POFUT3: variants seen among roughly 807,000 people sequenced by gnomAD.
POFUT3 encodes the protein protein O-fucosyltransferase 3, also known as GDP-fucose protein O-fucosyltransferase 3.
the POFUT3 span, among the ~76,000 whole-genome samples, chr8:33,401,711 T>C: frequency 6.6e-6 from 1 of 152,066 alleles, no homozygotes; most frequent in Non-Finnish European, 1.5e-5. Context: ...TTATTCCACT[T>C]TGTGGTGCAA....
At chr8:33,358,240 A>C in the POFUT3 span, among the ~76,000 whole-genome samples, 2 of 152,228 alleles carry the variant, frequency 1.3e-5, no homozygotes, top group African/African-American at 4.8e-5. Context: ...GCAACAGAGC[A>C]AAACCCTGTC....
the POFUT3 span, among the ~76,000 whole-genome samples, chr8:33,381,919 T>G: frequency 2.0e-5 from 3 of 152,338 alleles, no homozygotes; most frequent in Admixed American, 6.5e-5. Flanking sequence ...CCATGTCTTT[T>G]CTTGCTTACC....
the POFUT3 span, chr8:33,371,839 C>G: frequency 6.6e-6 from 1 of 152,210 alleles, no homozygotes; most frequent in African/African-American, 2.4e-5. Context: ...GGCTGTCCAG[C>G]CTGAATCATA....
the POFUT3 span, among the ~76,000 whole-genome samples, chr8:33,423,651 G>A: frequency 1.3e-5 from 2 of 151,968 alleles, no homozygotes; most frequent in Non-Finnish European, 2.9e-5. Context: ...TTGACAATCA[G>A]AGATTATATG....
the POFUT3 span, among the ~76,000 whole-genome samples, chr8:33,464,519 A>C: frequency 6.6e-6 from 1 of 152,194 alleles, no homozygotes; most frequent in African/African-American, 2.4e-5. Flanking sequence ...TAATACTATA[A>C]AATTCCTTGA....
the POFUT3 span, chr8:33,389,913 G>A: frequency 1.4e-6 from 1 of 731,204 alleles, no homozygotes; most frequent in Non-Finnish European, 2.2e-6. Context: ...AGAAGCATGT[G>A]GCCGGGCACG....
At chr8:33,317,394 C>A in the POFUT3 span, among the ~76,000 whole-genome samples, 5 of 151,906 alleles carry the variant, frequency 3.3e-5, no homozygotes, top group Non-Finnish European at 7.4e-5. Flanking sequence ...CAGACCTCAA[C>A]GTTCCTTTCT....
At chr8:33,389,520 A>C in the POFUT3 span, 1 of 1,614,138 alleles carries the variant, frequency 6.2e-7, no homozygotes, top group Non-Finnish European at 8.5e-7. Flanking sequence ...TCACAGTCTG[A>C]CTGTACATAC....
chr8:33,427,437 G>C, the POFUT3 span, among the ~76,000 whole-genome samples: 187 of 151,988 alleles, frequency 1.2e-3, no homozygotes, highest in Non-Finnish European at 9.9e-4. Context: ...AAATTAGCTG[G>C]GCATGGTGGT....
the POFUT3 span, among the ~76,000 whole-genome samples, chr8:33,335,346 T>C: frequency 6.6e-6 from 1 of 152,334 alleles, no homozygotes; most frequent in East Asian, 1.9e-4. Flanking sequence ...AATTCAATCA[T>C]GTTTTGACAA....
At chr8:33,311,232 T>C in the POFUT3 span, among the ~76,000 whole-genome samples, 1,153 of 152,338 alleles carry the variant, frequency 7.6e-3, 8 homozygotes, top group Non-Finnish European at 0.013. Context: ...CCTGGACAAA[T>C]TGTAATTTTT....
At chr8:33,368,032 C>T in the POFUT3 span, among the ~76,000 whole-genome samples, 1 of 152,092 alleles carries the variant, frequency 6.6e-6, no homozygotes, top group Non-Finnish European at 1.5e-5. Context: ...AAATTTTTGA[C>T]CTAATGCTCA....
the POFUT3 span, among the ~76,000 whole-genome samples, chr8:33,409,225 C>T: frequency 6.6e-6 from 1 of 152,170 alleles, no homozygotes; most frequent in Non-Finnish European, 1.5e-5. Flanking sequence ...GCCTCAGCCT[C>T]CCAAGTAGCT....
At chr8:33,442,000 A>G in the POFUT3 span, among the ~76,000 whole-genome samples, 5 of 152,118 alleles carry the variant, frequency 3.3e-5, no homozygotes, top group African/African-American at 1.2e-4. Context: ...CCCAGGCTGG[A>G]GTGCAGTGGC....
chr8:33,458,180 C>T, the POFUT3 span, among the ~76,000 whole-genome samples: 1 of 152,022 alleles, frequency 6.6e-6, no homozygotes, highest in Non-Finnish European at 1.5e-5. Flanking sequence ...AGAAAACAGC[C>T]ATCTATAAGC....
chr8:33,344,061 C>T, the POFUT3 span, among the ~76,000 whole-genome samples: 1 of 152,132 alleles, frequency 6.6e-6, no homozygotes, highest in Non-Finnish European at 1.5e-5. Context: ...TTCCATTTTT[C>T]CGTTAGTTCG....
the POFUT3 span, among the ~76,000 whole-genome samples, chr8:33,463,397 C>T: frequency 7.9e-5 from 12 of 151,780 alleles, no homozygotes; most frequent in African/African-American, 2.9e-4. Context: ...CCCAGCTACT[C>T]GGGAGGCTGA....
the POFUT3 span, chr8:33,389,762 C>T: frequency 3.7e-5 from 59 of 1,613,858 alleles, no homozygotes; most frequent in East Asian, 4.2e-4. Flanking sequence ...ATGGGCTTTC[C>T]GAGGCAGAGG....
chr8:33,336,585 AG>A, the POFUT3 span, among the ~76,000 whole-genome samples: 1 of 152,034 alleles, frequency 6.6e-6, no homozygotes, highest in Non-Finnish European at 1.5e-5. Context: ...GATTGAGGGG[AG>A]GTTTGGAGAT....
Sources: allele counts gnomAD v4.1 joint callset (sites outside exome capture counted in the v4.1 genomes callset), GRCh38; gene constraint gnomAD v4.1.1; transcripts MANE v1.5; gene names NCBI Gene and HGNC (gene_info 2026-07-23, HGNC 2026-07-21).